Variants in STAU2 observed in about 807,000 individuals in gnomAD.
STAU2 encodes staufen double-stranded RNA binding protein 2, also known as double-stranded RNA-binding protein Staufen homolog 2.
Under a neutral mutation model 65.9 loss-of-function variants are expected in STAU2, and 20 were observed. That is an observed-to-expected ratio of 0.30 (90% CI 0.21 to 0.44). The LOEUF is 0.44. Among genes scored for constraint, STAU2 ranks in the 20% least tolerant of loss-of-function variants. The probability of loss-of-function intolerance (pLI) is 1.00; values close to 1 mark genes in which losing one functional copy is unlikely to be tolerated. For missense variants in STAU2, 558 were observed against 683.9 expected, an observed-to-expected ratio of 0.82 and a Z score of 2.05; for synonymous variants, 232 against 233.9, an observed-to-expected ratio of 0.99 and a Z score of 0.07.
intron 3 of STAU2, among the ~76,000 whole-genome samples, chr8:73,715,389 G>A (rs1398212087): frequency 6.7e-6 from 1 of 148,400 alleles, no homozygotes; most frequent in Non-Finnish European, 1.5e-5. Context: ...CTGGGAGGTG[G>A]AAGTTGCAGT....
At chr8:73,690,198 G>A (rs1302074018) in intron 4 of STAU2, among the ~76,000 whole-genome samples, 35 of 151,674 alleles carry the variant, frequency 2.3e-4, no homozygotes, top group African/African-American at 6.5e-4. Flanking sequence ...ACGTGGTGGC[G>A]GGTGCCTGTA....
chr8:73,565,816 C>T (rs1257560633), intron 12 of STAU2, among the ~76,000 whole-genome samples: 1 of 152,158 alleles, frequency 6.6e-6, no homozygotes, highest in Non-Finnish European at 1.5e-5. Flanking sequence ...TCTCTAACCA[C>T]AAATATGTTG....
At chr8:73,478,460 C>T (rs1055735225) in intron 13 of STAU2, among the ~76,000 whole-genome samples, 6 of 151,764 alleles carry the variant, frequency 4.0e-5, no homozygotes, top group Non-Finnish European at 7.4e-5. Flanking sequence ...CAATACCTGA[C>T]GCAGAGTAGA....
At chr8:73,613,596 A>T (rs1812625020) in intron 9 of STAU2, 148 bp downstream of exon 9, 1 of 533,336 alleles carries the variant, frequency 1.9e-6, no homozygotes, top group Non-Finnish European at 3.2e-6. Context: ...TAGAATTGTC[A>T]TTAATTTATA....
intron 12 of STAU2, among the ~76,000 whole-genome samples, chr8:73,557,777 C>T (rs1339834470): frequency 6.6e-6 from 1 of 152,172 alleles, no homozygotes; most frequent in Non-Finnish European, 1.5e-5. Flanking sequence ...CTTGTAACAT[C>T]CATTATATTC....
At chr8:73,648,077 G>C (rs1320082325) in intron 6 of STAU2, among the ~76,000 whole-genome samples, 1 of 152,176 alleles carries the variant, frequency 6.6e-6, no homozygotes, top group Non-Finnish European at 1.5e-5. Context: ...ACAACTTTCA[G>C]TGAATCTCTA....
intron 13 of STAU2, among the ~76,000 whole-genome samples, chr8:73,476,316 T>A (rs1168752632): frequency 6.6e-6 from 1 of 152,222 alleles, no homozygotes; most frequent in African/African-American, 2.4e-5. Flanking sequence ...TATCTTATGA[T>A]GCTCTTTCAA....
intron 12 of STAU2, among the ~76,000 whole-genome samples, chr8:73,577,593 A>C (rs1809668510): frequency 6.6e-6 from 1 of 152,082 alleles, no homozygotes; most frequent in Non-Finnish European, 1.5e-5. Context: ...ATGGAAAACT[A>C]ATCTATTTTT....
At chr8:73,676,758 G>C (rs985973250) in intron 5 of STAU2, among the ~76,000 whole-genome samples, 3 of 152,142 alleles carry the variant, frequency 2.0e-5, no homozygotes, top group African/African-American at 7.2e-5. Context: ...ATCACGCCCA[G>C]CTAATTTTTG....
Position 73,480,725 on chromosome 8 carries a change from C to T in STAU2, c.1531-58023G>A, listed in dbSNP as rs1419807690. On this transcript the variant is annotated intron_variant, in intron 13 of 14. Transcript: ENST00000524300. The stretch of plus-strand genomic sequence containing the variant: ...GTTTGCTTCTTTTAAGAAGCCTTTG[C>T]TATCAAATAAACACGAAATATGTAG... Among the ~76,000 whole-genome samples, 6 of 152,088 alleles carry T rather than the reference C, an allele frequency of 3.9e-5. No homozygotes were observed. The South Asian group carries it at 8.3e-4, about 21-fold the overall frequency.
Position 73,615,702 on chromosome 8 carries a change from C to T in STAU2, c.651G>A (p.Leu217=), listed in dbSNP as rs762159469. 2.5e-6 allele frequency: 4 copies of T among 1,613,896 alleles called. No homozygotes were observed. Among genetic ancestry groups the T allele is most frequent in the Non-Finnish European group, 3.4e-6 (4 of 1,179,940 alleles). Residue 217 remains leucine (L), a synonymous_variant, in exon 8 of 15, where the codon CTG becomes CTA. Coordinates refer to ENST00000524300, the MANE Select transcript of STAU2 (RefSeq NM_001164380.2). ...CAAAACTGACAGGCATATTTCGCTT[C>T]AGAGCAATTTCAAACACTAAGCTGA... ...SEISLVFEIA[L]KRNMPVSFEV... is the part of the protein sequence containing the mutation.
intron 11 of STAU2, among the ~76,000 whole-genome samples, chr8:73,592,637 T>C (rs955622204): frequency 1.3e-5 from 2 of 152,070 alleles, no homozygotes; most frequent in African/African-American, 4.8e-5. Flanking sequence ...GGCAGGCGGA[T>C]CATTTGAGGT....
chr8:73,464,219 C>G (rs1819524651), intron 13 of STAU2, among the ~76,000 whole-genome samples: 1 of 152,024 alleles, frequency 6.6e-6, no homozygotes, highest in Non-Finnish European at 1.5e-5. Context: ...CAAGCAGAAC[C>G]CAGTTTTGAG....
At chr8:73,616,660 T>G (rs1275335361) in intron 7 of STAU2, among the ~76,000 whole-genome samples, 1 of 151,976 alleles carries the variant, frequency 6.6e-6, no homozygotes, top group Non-Finnish European at 1.5e-5. Context: ...TAGCTGGGCG[T>G]GGTAGCATGA....
chr8:73,651,339 T>C lies in STAU2; in HGVS notation c.410+21768A>G, dbSNP rs566145119. On this transcript the variant is annotated intron_variant, in intron 6 of 14. Transcript: ENST00000524300. Reference sequence around the variant, plus strand: ...CAGGTCCGTGGCTTGGAGGGCATCTTCCAGCACCACCAGTACCTGGGCCCT... The same window carrying C: ...CAGGTCCGTGGCTTGGAGGGCATCTCCCAGCACCACCAGTACCTGGGCCCT... The C allele has an allele frequency of 3.8e-5, 26 of 683,602 alleles. No individual in the cohort carries two copies. In the East Asian group the frequency reaches 7.0e-4, roughly 18 times the overall value. The allele number at this position is 683,602 out of a possible 1,614,324, so 42.3% of individuals were successfully genotyped here.
intron 1 of STAU2, 71 bp from the exon 2 acceptor site, chr8:73,739,939 T>C: frequency 1.5e-6 from 1 of 684,972 alleles, no homozygotes; most frequent in Non-Finnish European, 2.6e-6. Flanking sequence ...TTCTTAGGTG[T>C]CACCTTCTCT....
chr8:73,597,828 C>T (rs73328801), intron 10 of STAU2, among the ~76,000 whole-genome samples: 27,905 of 152,002 alleles, frequency 0.18, 2,810 homozygotes, highest in African/African-American at 0.27. Context: ...CTAATGAAAT[C>T]AAACCATAAT....
intron 11 of STAU2, 36 bp from the exon 12 acceptor site, chr8:73,582,866 A>G (rs1810093911): frequency 6.3e-7 from 1 of 1,585,686 alleles, no homozygotes; most frequent in African/African-American, 1.4e-5. Context: ...ATCCAGAGAA[A>G]CAAGCTTATT....
intron 13 of STAU2, among the ~76,000 whole-genome samples, chr8:73,545,120 T>C (rs1458822325): frequency 6.6e-6 from 1 of 152,222 alleles, no homozygotes; most frequent in African/African-American, 2.4e-5. Context: ...CATCTAATTC[T>C]TCATATACAT....
Sources: gnomAD v4.1 joint callset for allele counts (sites outside exome capture counted in the v4.1 genomes callset) on GRCh38, gnomAD v4.1.1 for gene constraint, MANE v1.5 for transcripts, NCBI Gene and HGNC (gene_info 2026-07-23, HGNC 2026-07-21) for gene names.